TTC24: variants seen among roughly 807,000 people sequenced by gnomAD.
TTC24 encodes the protein tetratricopeptide repeat domain 24, also known as tetratricopeptide repeat protein 24.
Under a neutral mutation model 63.3 loss-of-function variants are expected in TTC24, and 54 were observed. That is an observed-to-expected ratio of 0.85 (90% CI 0.69 to 1.07). The LOEUF is 1.07. Ranked by LOEUF, TTC24 falls within the 50% of genes least tolerant of loss-of-function variation. The pLI, the probability that TTC24 is intolerant of heterozygous loss-of-function variation, is 0.00. For missense variants in TTC24, 680 were observed against 730.5 expected (o/e 0.93, Z 0.80); for synonymous variants, 276 against 304.3 (o/e 0.91, Z 0.97).
At position 156,581,734 on chromosome 1, in the gene TTC24, G is replaced by T; in HGVS notation, c.370G>T (p.Ala124Ser). Residue 124 changes from alanine to serine, a missense_variant, in exon 2 of 11, where the codon GCT (alanine) becomes TCT (serine). Physicochemically the swap from Ala to Ser is moderately conservative, Grantham distance 99 (BLOSUM62 1). Coordinates refer to ENST00000368236, the MANE Select transcript of TTC24 (RefSeq NM_001105669.4). ...RRHGDQCFNV[A>S]LAYHALGELP... ...ACACGGCGACCAATGTTTCAATGTG[G>T]CTTTGGCCTACCATGCCCTCGGCGA... 1.3e-6 allele frequency: 2 copies of T among 1,551,786 alleles called. No individual in the cohort carries two copies. Among genetic ancestry groups the T allele is most frequent in the Non-Finnish European group, 1.7e-6 (2 of 1,147,018 alleles).
Position 156,582,005 on chromosome 1 carries a change from A to G in TTC24, c.641A>G (p.Glu214Gly). The change falls in exon 2 of 11, where the codon GAA becomes GGA. Residue 214 changes from glutamate (E) to glycine (G), a missense_variant. Glu to Gly is a moderately conservative substitution (Grantham distance 98). Transcript: ENST00000368236. ...MLKSGRHRVG[E>G]VVQVLEKSRR... ...AAGAGTGGGCGGCATCGGGTGGGGGAAGTTGTGCAGGTGCTGGAGAAAAGC... is the reference window on the plus strand; with the variant it reads ...AAGAGTGGGCGGCATCGGGTGGGGGGAGTTGTGCAGGTGCTGGAGAAAAGC... 1 of 1,492,296 alleles carries G rather than the reference A, an allele frequency of 6.7e-7. No individual in the cohort carries two copies. The highest frequency in any genetic ancestry group is 8.9e-7 in the Non-Finnish European group (1 of 1,122,864). 92.4% of individuals were successfully genotyped at this position (1,492,296 alleles called of 1,614,324 possible).
rs1257735536 is a variant in TTC24, at chr1:156,583,846, C to T, written c.1202C>T (p.Thr401Ile). The T allele has an allele frequency of 6.3e-7, 1 of 1,584,540 alleles. No homozygotes were observed. Among genetic ancestry groups the T allele is most frequent in the Non-Finnish European group, 8.6e-7 (1 of 1,166,800 alleles). Residue 401 changes from threonine (T) to isoleucine (I), a missense_variant, in exon 6 of 11, where the codon ACC (threonine) becomes ATC (isoleucine). By Grantham distance (89) the Thr-to-Ile change is moderately conservative. Coordinates refer to ENST00000368236, the MANE Select transcript of TTC24 (RefSeq NM_001105669.4). This position sits in a 1 kb window ranked among gnomAD's most constrained non-coding sequence, Gnocchi z 4.0. ...RERLVAKLADTVRTRLAQVGL... is the reference protein window; with the variant it reads ...RERLVAKLADIVRTRLAQVGL... ...CGGCTGGTGGCCAAGCTGGCAGACA[C>T]CGTGAGGACGCGCTTGGCCCAGGTG...
chr1:156,584,848 C>G (rs1441955805), intron 6 of TTC24, 29 bp from the exon 7 acceptor site: 1 of 1,493,122 alleles, frequency 6.7e-7, no homozygotes, highest in African/African-American at 1.4e-5. Context: ...TTTCTCAGAC[C>G]TATTCCCTTT....
At position 156,585,234 on chromosome 1, in the gene TTC24, G is replaced by A; in HGVS notation, c.1456+3G>A. On this transcript the variant is annotated splice_donor_region_variant and intron_variant, in intron 8 of 10. Coordinates refer to ENST00000368236, the MANE Select transcript of TTC24 (RefSeq NM_001105669.4). Reference sequence around the variant, plus strand: ...GGCTGGGCCGGGAAGACCAGAGCGTGAGTTGATGTAGAGTATTCCTGGCGG... The same window carrying A: ...GGCTGGGCCGGGAAGACCAGAGCGTAAGTTGATGTAGAGTATTCCTGGCGG... The A allele has an allele frequency of 6.2e-7, 1 of 1,608,490 alleles. No individual in the cohort carries two copies. The highest frequency in any genetic ancestry group is 8.5e-7 in the Non-Finnish European group (1 of 1,177,274).
At position 156,585,241 on chromosome 1, in the gene TTC24, T is replaced by C. The variant is rs1677122946; in HGVS notation, c.1456+10T>C. 2 of 1,600,334 alleles carry C rather than the reference T, an allele frequency of 1.2e-6. No homozygotes were observed. Among genetic ancestry groups the C allele is most frequent in the South Asian group, 1.1e-5 (1 of 89,882 alleles). On this transcript the variant is annotated intron_variant, in intron 8 of 10. Transcript: ENST00000368236. ...CCGGGAAGACCAGAGCGTGAGTTGA[T>C]GTAGAGTATTCCTGGCGGTGCCTCT...
intron 8 of TTC24, 197 bp from the exon 9 acceptor site, chr1:156,585,516 C>T (rs1400773396): frequency 1.6e-6 from 1 of 611,252 alleles, no homozygotes; most frequent in African/African-American, 1.9e-5. Context: ...TCATGGCTTT[C>T]CTAACTTCTA....
Position 156,586,568 on chromosome 1 carries a change from C to G in TTC24, c.*18C>G, listed in dbSNP as rs781504963. ...TTGTGTGACCTCCCCCTGCCAGCCTCAGCCCTCATCCCTGAAGCACCTGTC... is the reference window on the plus strand; with the variant it reads ...TTGTGTGACCTCCCCCTGCCAGCCTGAGCCCTCATCCCTGAAGCACCTGTC... On this transcript the variant is annotated 3_prime_UTR_variant, in exon 11 of 11. Coordinates refer to ENST00000368236, the MANE Select transcript of TTC24 (RefSeq NM_001105669.4). The G allele has an allele frequency of 6.2e-7, 1 of 1,608,772 alleles. No individual in the cohort carries two copies. The highest frequency in any genetic ancestry group is 1.1e-5 in the South Asian group (1 of 90,054).
intron 8 of TTC24, 55 bp downstream of exon 8, chr1:156,585,286 C>G (rs1199844141): frequency 4.3e-6 from 6 of 1,403,372 alleles, no homozygotes; most frequent in African/African-American, 1.4e-5. Context: ...AAATATGGCA[C>G]TCCCACCCCC....
Position 156,585,708 on chromosome 1 carries a change from T to C in TTC24, c.1457-5T>C, listed in dbSNP as rs1417812017. The stretch of plus-strand genomic sequence containing the variant: ...GACCTGAATTTACCGATGTCTCCTT[T>C]TCAGTGTGTTTCCTTCCAGGCACAG... On this transcript the variant is annotated splice_polypyrimidine_tract_variant and splice_region_variant and intron_variant, in intron 8 of 10. Transcript: ENST00000368236. 1 of 1,608,618 alleles carries C rather than the reference T, an allele frequency of 6.2e-7. No individual in the cohort carries two copies.
chr1:156,583,882 A>G lies in TTC24; in HGVS notation c.1238A>G (p.Gln413Arg), dbSNP rs1444531174. ...RTRLAQVGLVQTHTLTSAPGR... is the reference protein window; with the variant it reads ...RTRLAQVGLVRTHTLTSAPGR... ...CGCTTGGCCCAGGTGGGGCTGGTCC[A>G]GACTCACACCCTGGTGAGATGACAC... is the stretch of plus-strand genomic sequence containing the variant. Residue 413 changes from glutamine to arginine, a missense_variant, in exon 6 of 11, where the codon CAG (glutamine) becomes CGG (arginine). Coordinates refer to ENST00000368236, the MANE Select transcript of TTC24 (RefSeq NM_001105669.4). This position sits in a 1 kb window ranked among gnomAD's most constrained non-coding sequence, Gnocchi z 4.0. The G allele has an allele frequency of 6.3e-7, 1 of 1,581,284 alleles. No individual in the cohort carries two copies. Among genetic ancestry groups the G allele is most frequent in the South Asian group, 1.2e-5 (1 of 85,950 alleles).
Position 156,581,561 on chromosome 1 carries a change from C to T in TTC24, c.197C>T (p.Ala66Val), listed in dbSNP as rs529255592. ...AACTTCCAGAGGGCCTTCCTTCTGG[C>T]CTCCAAGGCCCCACAAACCAGGGAT... ...LNNFQRAFLL[A>V]SKAPQTRDTP... is the part of the protein sequence containing the mutation. Residue 66 changes from alanine (A) to valine (V), a missense_variant, in exon 2 of 11, where the codon GCC becomes GTC. Ala to Val is a moderately conservative substitution (Grantham distance 64). Coordinates refer to ENST00000368236, the MANE Select transcript of TTC24 (RefSeq NM_001105669.4). The T allele has an allele frequency of 7.1e-6, 11 of 1,551,350 alleles. No individual in the cohort carries two copies. In the South Asian group the frequency reaches 1.1e-4, roughly 15 times the overall value.
chr1:156,584,809 G>A (rs1459918375), intron 6 of TTC24, 68 bp from the exon 7 acceptor site: 1 of 1,052,768 alleles, frequency 9.5e-7, no homozygotes, highest in African/African-American at 1.6e-5. Context: ...GTCTCTGGAG[G>A]GAGCACACAC....
chr1:156,582,495 G>A lies in TTC24; in HGVS notation c.910+61G>A. ...AAGACACTAAGAAGGGGTTCCAAAA[G>A]GGGCCCAAGGCTTAAGGGTGGATGG... On this transcript the variant is annotated intron_variant, in intron 3 of 10. Transcript: ENST00000368236. 2.6e-6 allele frequency: 4 copies of A among 1,511,564 alleles called. No individual in the cohort carries two copies. In the East Asian group the frequency reaches 9.1e-5, roughly 34 times the overall value. The allele number at this position is 1,511,564 out of a possible 1,614,324, so 93.6% of individuals were successfully genotyped here. A position where few individuals can be genotyped will look rare whatever the true frequency, so the allele number is the denominator to read the frequency against.
In TTC24 at chr1:156,583,439, GC is replaced by G. The variant is rs140853435; in HGVS notation, c.1144del (p.Gln382SerfsTer21). The G allele has an allele frequency of 0.034, 54,481 of 1,601,292 alleles. 1,285 individuals carry two copies. Among genetic ancestry groups the G allele is most frequent in the African/African-American group, 0.1 (7,458 of 74,198 alleles). ...CTTGAAGTACTATAAGGAAGCACTG[GC>G]CCAGTGTCAGGTGAGACCCCGCACA... is the stretch of plus-strand genomic sequence containing the variant. ...QALKYYKEAL[A>X]QCQKEPDSVR... is the part of the protein sequence containing the mutation. On this transcript the variant is annotated frameshift_variant, in exon 5 of 11. Transcript: ENST00000368236. LOFTEE classifies it high-confidence loss of function. This position sits in a 1 kb window ranked among gnomAD's most constrained non-coding sequence, Gnocchi z 4.0.
rs1322045051 is a variant in TTC24, at chr1:156,581,545, A to G, written c.181A>G (p.Arg61Gly). 6.4e-7 allele frequency: 1 copy of G among 1,551,272 alleles called. No homozygotes were observed. The highest frequency in any genetic ancestry group is 1.2e-5 in the South Asian group (1 of 84,048). ...QNHEALNNFQ[R>G]AFLLASKAPQ... The stretch of plus-strand genomic sequence containing the variant: ...CCATGAAGCCTTGAACAACTTCCAG[A>G]GGGCCTTCCTTCTGGCCTCCAAGGC... Residue 61 changes from arginine to glycine, a missense_variant, in exon 2 of 11, where the codon AGG (arginine) becomes GGG (glycine). Transcript: ENST00000368236.
intron 3 of TTC24, 47 bp from the exon 4 acceptor site, chr1:156,582,995 C>G: frequency 6.4e-7 from 1 of 1,569,630 alleles, no homozygotes; most frequent in Non-Finnish European, 8.6e-7. Context: ...TCCTGATGTC[C>G]CAGCAGCCAG....
At chr1:156,584,005 C>T in intron 6 of TTC24, 110 bp downstream of exon 6, 1 of 824,604 alleles carries the variant, frequency 1.2e-6, no homozygotes, top group African/African-American at 1.7e-5. Flanking sequence ...CTTGGCCGCT[C>T]ATCTGTGTTC....
intron 1 of TTC24, among the ~76,000 whole-genome samples, chr1:156,580,990 A>T (rs1455859316): frequency 6.6e-6 from 1 of 152,096 alleles, no homozygotes; most frequent in African/African-American, 2.4e-5. Flanking sequence ...AGTTGCTCCA[A>T]ATCTAGTAGT....
rs781746867 is a variant in TTC24, at chr1:156,583,466, C to G, written c.1152+16C>G. The G allele has an allele frequency of 6.4e-7, 1 of 1,557,422 alleles. No homozygotes were observed. The highest frequency in any genetic ancestry group is 8.7e-7 in the Non-Finnish European group (1 of 1,150,450). ...CCAGTGTCAGGTGAGACCCCGCACA[C>G]CGGAATCCACCTCTCCCCTGCTATC... On this transcript the variant is annotated intron_variant, in intron 5 of 10. Coordinates refer to ENST00000368236, the MANE Select transcript of TTC24 (RefSeq NM_001105669.4). This position sits in a 1 kb window ranked among gnomAD's most constrained non-coding sequence, Gnocchi z 4.0.
Sources: gnomAD v4.1 joint callset for allele counts (sites outside exome capture counted in the v4.1 genomes callset) on GRCh38, gnomAD v4.1.1 for gene constraint, Gnocchi (gnomAD v3.1) non-coding constraint, MANE v1.5 for transcripts, NCBI Gene and HGNC (gene_info 2026-07-23, HGNC 2026-07-21) for gene names.